Variants in FAM133A observed in about 807,000 individuals in gnomAD.
The protein encoded by FAM133A is family with sequence similarity 133 member A, also known as protein FAM133A.
For missense variants in FAM133A, 159 were observed against 164.4 expected (o/e 0.97, Z 0.18); for synonymous variants, 65 against 58.6 (o/e 1.11, Z -0.50).
chrX:93,698,209 G>A (rs1478461142), intron 2 of FAM133A, among the ~76,000 whole-genome samples, 188 bp from the exon 3 acceptor site: 2 of 111,358 alleles, frequency 1.8e-5, no homozygotes, highest in South Asian at 3.7e-4. Flanking sequence ...AGTGCTAATC[G>A]TAACTTTCTA....
chrX:93,705,052 T>C (rs1336237113), intron 3 of FAM133A, among the ~76,000 whole-genome samples: 1 of 111,433 alleles, frequency 9.0e-6, no homozygotes, highest in Admixed American at 9.6e-5. Context: ...TTTCATAGCA[T>C]CCTGTACTTT....
chrX:93,696,216 T>C (rs1364344783), intron 2 of FAM133A, among the ~76,000 whole-genome samples: 2 of 110,881 alleles, frequency 1.8e-5, no homozygotes, highest in Non-Finnish European at 3.8e-5. Context: ...TGATTTGGGT[T>C]GGGGCTAGGG....
At chrX:93,705,355 A>G (rs776608094) in intron 3 of FAM133A, among the ~76,000 whole-genome samples, 7 of 111,988 alleles carry the variant, frequency 6.3e-5, no homozygotes, top group Non-Finnish European at 1.1e-4. Context: ...AACAGAGAAG[A>G]TAAGCCACAG....
At chrX:93,683,640 A>G (rs1402381840) in intron 2 of FAM133A, among the ~76,000 whole-genome samples, 2 of 111,897 alleles carry the variant, frequency 1.8e-5, no homozygotes, top group Non-Finnish European at 3.8e-5. Flanking sequence ...TAAAGTGTAT[A>G]AGAGTTCCCT....
chrX:93,697,880 T>C (rs1053491898), intron 2 of FAM133A, among the ~76,000 whole-genome samples: 4 of 111,939 alleles, frequency 3.6e-5, no homozygotes, highest in Admixed American at 2.9e-4. Flanking sequence ...AATGAATTTA[T>C]TTCTTAGATT....
rs1034324626 is a variant in FAM133A, at chrX:93,709,972, C to T, written c.553C>T (p.Pro185Ser). ...SLSKKRKKSYPDDKPLSSESS... is the reference protein window; with the variant it reads ...SLSKKRKKSYSDDKPLSSESS... ...CAGCAAAAAAAGAAAGAAAAGTTAC[C>T]CTGATGATAAACCTTTATCATCTGA... Residue 185 changes from proline (P) to serine (S), a missense_variant, in exon 4 of 4, where the codon CCT (proline) becomes TCT (serine). Transcript: ENST00000683942. 8.4e-7 allele frequency: 1 copy of T among 1,188,635 alleles called. No homozygotes were observed. Among genetic ancestry groups the T allele is most frequent in the Non-Finnish European group, 1.1e-6 (1 of 888,235 alleles).
chrX:93,709,914 T>C lies in FAM133A; in HGVS notation c.495T>C (p.Asp165=). The change falls in exon 4 of 4, where the codon GAT becomes GAC. Residue 165 remains aspartate, a synonymous_variant. Coordinates refer to ENST00000683942, the MANE Select transcript of FAM133A (RefSeq NM_001171109.2). ...ESVKKKKKSK[D]ETEKEKDVRS... ...TAAAAAAGAAAAAGAAGTCAAAGGATGAAACAGAGAAAGAAAAGGATGTAA... is the reference window on the plus strand; with the variant it reads ...TAAAAAAGAAAAAGAAGTCAAAGGACGAAACAGAGAAAGAAAAGGATGTAA... 3 of 1,191,180 alleles carry C rather than the reference T, an allele frequency of 2.5e-6. No individual in the cohort carries two copies. The highest frequency in any genetic ancestry group is 2.3e-6 in the Non-Finnish European group (2 of 887,954).
intron 3 of FAM133A, among the ~76,000 whole-genome samples, chrX:93,701,537 G>A (rs62597052): frequency 0.022 from 2,403 of 111,397 alleles, 32 homozygotes; most frequent in Non-Finnish European, 0.032. Context: ...TGAAAATAGA[G>A]GGGCTGGAAT....
At chrX:93,702,858 A>C (rs1214521401) in intron 3 of FAM133A, among the ~76,000 whole-genome samples, 7 of 103,298 alleles carry the variant, frequency 6.8e-5, no homozygotes, top group South Asian at 4.3e-4. Flanking sequence ...AAAAAAAAAA[A>C]AAAAAAAAAA....
intron 2 of FAM133A, among the ~76,000 whole-genome samples, chrX:93,685,022 C>T (rs1925420781): frequency 8.9e-6 from 1 of 111,753 alleles, no homozygotes; most frequent in Non-Finnish European, 1.9e-5. Context: ...TTTTATGCAT[C>T]GTTGTTCTTT....
chrX:93,676,847 T>A (rs1339746224), intron 2 of FAM133A, among the ~76,000 whole-genome samples: 1 of 110,775 alleles, frequency 9.0e-6, no homozygotes, highest in African/African-American at 3.3e-5. Context: ...TGGTTGAAAG[T>A]AGATGACTTT....
At chrX:93,702,431 A>G in intron 3 of FAM133A, among the ~76,000 whole-genome samples, 1 of 111,700 alleles carries the variant, frequency 9.0e-6, no homozygotes, top group Non-Finnish European at 1.9e-5. Context: ...TCAACAAAAT[A>G]AAATTGTGTT....
chrX:93,676,926 CTTTTT>C (rs58826696), intron 2 of FAM133A, among the ~76,000 whole-genome samples: 25 of 101,018 alleles, frequency 2.5e-4, no homozygotes, highest in Admixed American at 3.3e-4. Context: ...TTTTTGTAGC[CTTTTT>C]TTTTTTTTTG....
At chrX:93,689,049 AAT>A (rs1925724026) in intron 2 of FAM133A, among the ~76,000 whole-genome samples, 1 of 63,950 alleles carries the variant, frequency 1.6e-5, no homozygotes, top group Non-Finnish European at 3.1e-5. Flanking sequence ...AGGTAACAGC[AAT>A]TTTTTTTTTT....
At chrX:93,699,234 G>T (rs1926524217) in intron 3 of FAM133A, among the ~76,000 whole-genome samples, 1 of 111,212 alleles carries the variant, frequency 9.0e-6, no homozygotes, top group Non-Finnish European at 1.9e-5. Flanking sequence ...GTACCTTAGG[G>T]ATTCTTGACT....
At chrX:93,684,948 G>A (rs1925415912) in intron 2 of FAM133A, among the ~76,000 whole-genome samples, 1 of 111,343 alleles carries the variant, frequency 9.0e-6, no homozygotes, top group Admixed American at 9.6e-5. Flanking sequence ...TATCATATAT[G>A]GGTGCCATGT....
intron 2 of FAM133A, among the ~76,000 whole-genome samples, 161 bp from the exon 3 acceptor site, chrX:93,698,236 T>G (rs945059799): frequency 1.6e-4 from 18 of 112,020 alleles, no homozygotes; most frequent in Non-Finnish European, 3.2e-4. Flanking sequence ...GTGATTAATT[T>G]GCCTGATAAA....
chrX:93,683,571 G>C (rs1925308108), intron 2 of FAM133A, among the ~76,000 whole-genome samples: 1 of 111,783 alleles, frequency 8.9e-6, no homozygotes, highest in Non-Finnish European at 1.9e-5. Flanking sequence ...AATTATGCAT[G>C]CTTGTTTTTT....
At chrX:93,693,396 A>C (rs1926020035) in intron 2 of FAM133A, among the ~76,000 whole-genome samples, 1 of 111,232 alleles carries the variant, frequency 9.0e-6, no homozygotes, top group Non-Finnish European at 1.9e-5. Context: ...TATATTCTTT[A>C]ATTTCAAAAT....
Sources: allele counts gnomAD v4.1 joint callset (sites outside exome capture counted in the v4.1 genomes callset), GRCh38; gene constraint gnomAD v4.1.1; transcripts MANE v1.5; gene names NCBI Gene and HGNC (gene_info 2026-07-23, HGNC 2026-07-21).